Variants in LYRM4 observed in about 807,000 individuals in gnomAD.
LYRM4 encodes the protein LYR motif-containing protein 4.
In LYRM4, 9 loss-of-function variants were observed where a neutral mutation model predicts 11.7. The ratio of observed to expected loss-of-function variants is 0.77; its 90% CI spans 0.46 to 1.34. LYRM4 has a LOEUF of 1.34. Ranked by LOEUF, LYRM4 falls within the 40% of genes most tolerant of loss-of-function variation. The pLI is 0.00. For missense variants in LYRM4, 133 were observed against 112.5 expected, an observed-to-expected ratio of 1.18 and a Z score of -0.82; for synonymous variants, 42 against 40.4, an observed-to-expected ratio of 1.04 and a Z score of -0.15.
chr6:5,063,407 C>G, the LYRM4 span, among the ~76,000 whole-genome samples: 10 of 150,588 alleles, frequency 6.6e-5, no homozygotes, highest in Non-Finnish European at 1.0e-4. Flanking sequence ...GCCCCACAAG[C>G]CTTTCCCGAC....
chr6:5,144,115 G>A, intron 2 of LYRM4: 1 of 1,535,512 alleles, frequency 6.5e-7, no homozygotes, highest in Non-Finnish European at 8.7e-7. Context: ...GATCTGATGT[G>A]ACCACATAGT....
intron 2 of LYRM4, among the ~76,000 whole-genome samples, chr6:5,121,547 A>G (rs948762378): frequency 2.0e-5 from 3 of 152,148 alleles, no homozygotes; most frequent in Middle Eastern, 3.2e-3. Context: ...ACAACAGAGG[A>G]TCCCCGAGAC....
At position 5,260,751 on chromosome 6, in the gene LYRM4, A is replaced by C. The variant is rs1765037066; in HGVS notation, c.-18T>G. ...GCTGCCATTTTGGAAAGAAAAAAAA[A>C]TAAACGGGTCCTCTTCGCCGAGGTC... is the stretch of plus-strand genomic sequence containing the variant. On this transcript the variant is annotated 5_prime_UTR_variant, in exon 1 of 3. Transcript: ENST00000330636. The C allele has an allele frequency of 1.3e-6, 2 of 1,542,910 alleles. No individual in the cohort carries two copies. Among genetic ancestry groups the C allele is most frequent in the East Asian group, 2.4e-5 (1 of 41,082 alleles).
chr6:5,092,004 A>G, the LYRM4 span, among the ~76,000 whole-genome samples: 19,344 of 152,274 alleles, frequency 0.13, 1,575 homozygotes, highest in Non-Finnish European at 0.19. Flanking sequence ...TCGACAGCAT[A>G]CTAACATAGC....
intron 2 of LYRM4, chr6:5,113,417 T>C (rs571553190): frequency 2.7e-4 from 105 of 386,468 alleles, no homozygotes; most frequent in Non-Finnish European, 4.4e-4. Context: ...GATTCCGTTA[T>C]CTAAAAGAAA....
chr6:5,128,721 C>T (rs1345363549), intron 2 of LYRM4, among the ~76,000 whole-genome samples: 4 of 152,188 alleles, frequency 2.6e-5, no homozygotes, highest in Admixed American at 1.3e-4. Context: ...GTCCACACTT[C>T]GATGTTCCCA....
the LYRM4 span, among the ~76,000 whole-genome samples, chr6:5,037,620 C>T: frequency 4.3e-5 from 3 of 70,064 alleles, no homozygotes; most frequent in African/African-American, 1.2e-4. Context: ...CCGGACGGGG[C>T]GGCTGGCCGG....
At chr6:5,117,902 G>A (rs949850660) in intron 2 of LYRM4, among the ~76,000 whole-genome samples, 12 of 151,464 alleles carry the variant, frequency 7.9e-5, no homozygotes, top group African/African-American at 2.9e-4. Context: ...TTTCCTCCAA[G>A]TTGACAAGTA....
chr6:5,055,169 G>A, the LYRM4 span, among the ~76,000 whole-genome samples: 112 of 152,296 alleles, frequency 7.4e-4, no homozygotes, highest in Middle Eastern at 0.017. The surrounding 1 kb of genome is among the most constrained non-coding windows in gnomAD (Gnocchi z 4.5). Context: ...ACCCTGCTTC[G>A]AGAAGTCCTG....
Position 5,224,276 on chromosome 6 carries a change from A to G in LYRM4, c.87-7538T>C, listed in dbSNP as rs567240348. ...AAAACAATAACTCACAAGAGACCAC[A>G]GAGTGATGAAACAGACAGATATAGA... On this transcript the variant is annotated intron_variant, in intron 1 of 2. Coordinates refer to ENST00000330636, the MANE Select transcript of LYRM4 (RefSeq NM_020408.6). Among the ~76,000 whole-genome samples, 7 of 152,368 alleles carry G rather than the reference A, an allele frequency of 4.6e-5. No homozygotes were observed. In the South Asian group the frequency reaches 1.0e-3, roughly 23 times the overall value.
chr6:5,082,124 G>A, the LYRM4 span, among the ~76,000 whole-genome samples: 3 of 152,208 alleles, frequency 2.0e-5, no homozygotes, highest in African/African-American at 4.8e-5. Flanking sequence ...TCATATGGAA[G>A]CTGGGGATGG....
At chr6:5,173,099 C>G (rs910098741) in intron 2 of LYRM4, among the ~76,000 whole-genome samples, 1 of 152,162 alleles carries the variant, frequency 6.6e-6, no homozygotes, top group East Asian at 1.9e-4. Flanking sequence ...GAATCTGATC[C>G]ATTAATAACA....
chr6:5,179,367 C>T (rs1759939810), intron 2 of LYRM4, among the ~76,000 whole-genome samples: 1 of 152,000 alleles, frequency 6.6e-6, no homozygotes, highest in African/African-American at 2.4e-5. Context: ...TTTTATCTTC[C>T]AAAACTGAAA....
intron 1 of LYRM4, among the ~76,000 whole-genome samples, chr6:5,247,622 A>C (rs78031402): frequency 6.6e-6 from 1 of 152,244 alleles, no homozygotes; most frequent in Non-Finnish European, 1.5e-5. Context: ...ATTATGCTAC[A>C]GAGTAATATT....
In LYRM4 at chr6:5,227,251, G is replaced by A. The variant is rs149066161; in HGVS notation, c.87-10513C>T. Among the ~76,000 whole-genome samples, 96 of 152,316 alleles carry A rather than the reference G, an allele frequency of 6.3e-4. 1 individual carries two copies. Among genetic ancestry groups the A allele is most frequent in the African/African-American group, 2.2e-3 (93 of 41,570 alleles). ...CAACACCATGGGGTAAGAAGAGCTT[G>A]TTCCGATGAAAGCCATAGAATGGGA... On this transcript the variant is annotated intron_variant, in intron 1 of 2. Coordinates refer to ENST00000330636, the MANE Select transcript of LYRM4 (RefSeq NM_020408.6).
intron 2 of LYRM4, among the ~76,000 whole-genome samples, chr6:5,112,850 A>G (rs113809393): frequency 0.027 from 4,151 of 152,278 alleles, 56 homozygotes; most frequent in Middle Eastern, 0.082. Flanking sequence ...AGCCCATGAC[A>G]CGATTGGACG....
intron 2 of LYRM4, among the ~76,000 whole-genome samples, chr6:5,150,167 A>G (rs1758008787): frequency 6.6e-6 from 1 of 152,224 alleles, no homozygotes; most frequent in Non-Finnish European, 1.5e-5. Flanking sequence ...TAAGCTTTGT[A>G]GAAGGCAGGT....
chr6:5,135,804 G>A (rs1757062915), intron 2 of LYRM4, among the ~76,000 whole-genome samples: 1 of 152,118 alleles, frequency 6.6e-6, no homozygotes, highest in African/African-American at 2.4e-5. Flanking sequence ...GTACAGCTCT[G>A]TGGCATTAAG....
intron 2 of LYRM4, among the ~76,000 whole-genome samples, chr6:5,170,907 G>A (rs1535041): frequency 0.33 from 50,652 of 152,106 alleles, 9,368 homozygotes; most frequent in African/African-American, 0.51. Context: ...CACCATTAGG[G>A]GTTGGCTCAA....
Sources: allele counts gnomAD v4.1 joint callset (sites outside exome capture counted in the v4.1 genomes callset), GRCh38; gene constraint gnomAD v4.1.1; non-coding constraint Gnocchi (gnomAD v3.1); transcripts MANE v1.5; gene names NCBI Gene and HGNC (gene_info 2026-07-23, HGNC 2026-07-21).